The following TDRD1 variants were observed in gnomAD, a reference collection of about 807,000 sequenced individuals.
TDRD1 encodes the protein tudor domain-containing protein 1.
In TDRD1, 37 loss-of-function variants were observed where a neutral mutation model predicts 140.6. That is an observed-to-expected ratio of 0.26 (90% CI 0.20 to 0.35). TDRD1 has a LOEUF of 0.35. TDRD1 is among the 10% of genes least tolerant of loss of function. The probability of loss-of-function intolerance (pLI) is 1.00; values close to 1 mark genes in which losing one functional copy is unlikely to be tolerated. For missense variants in TDRD1, 1,243 were observed against 1,393.0 expected (o/e 0.89, Z 1.71); for synonymous variants, 506 against 475.7 (o/e 1.06, Z -0.83).
intron 11 of TDRD1, among the ~76,000 whole-genome samples, chr10:114,209,195 C>A (rs2035321447): frequency 6.6e-6 from 1 of 152,134 alleles, no homozygotes; most frequent in African/African-American, 2.4e-5. Flanking sequence ...ATAGCCACCA[C>A]ACTCCAGCAT....
chr10:114,181,445 G>A (rs1465403971), intron 1 of TDRD1, among the ~76,000 whole-genome samples: 1 of 152,178 alleles, frequency 6.6e-6, no homozygotes, highest in Admixed American at 6.5e-5. Flanking sequence ...CTGAGGTTGG[G>A]AATCACAGTA....
At chr10:114,206,443 C>A in intron 11 of TDRD1, 113 bp downstream of exon 11, 2 of 705,680 alleles carry the variant, frequency 2.8e-6, no homozygotes, top group Non-Finnish European at 2.4e-6. Context: ...GATAAACATC[C>A]TATGAGCAAT....
rs1026096203 is a variant in TDRD1 at position 114,228,771 on chromosome 10, T to C, written c.3538+646T>C. The C allele has an allele frequency of 9.1e-6, 9 of 985,324 alleles. No individual in the cohort carries two copies. The African/African-American group carries it at 1.6e-4, about 17-fold the overall frequency. The allele number at this position is 985,324 out of a possible 1,614,324, so 61.0% of individuals were successfully genotyped here. On this transcript the variant is annotated intron_variant, in intron 25 of 25. Transcript: ENST00000251864. ...AAGATGGTTCTCAGAAATAAATTTT[T>C]GATTAAGAGCCAATTAGAACTTCTG...
chr10:114,231,369 A>G (rs2036746472), intron 25 of TDRD1: 2 of 847,568 alleles, frequency 2.4e-6, no homozygotes, highest in Non-Finnish European at 3.8e-6. Flanking sequence ...GGTCTGGCTT[A>G]AATGCGTAAT....
intron 4 of TDRD1, 88 bp from the exon 5 acceptor site, chr10:114,201,322 A>G (rs1297821117): frequency 1.9e-6 from 2 of 1,036,714 alleles, no homozygotes; most frequent in Non-Finnish European, 3.0e-6. Context: ...TTCTCTTGCC[A>G]TGGCTAATAG....
exon 4 of TDRD1, chr10:114,199,241 C>T (rs1188166156): frequency 6.2e-7 from 1 of 1,613,964 alleles, no homozygotes; most frequent in Non-Finnish European, 8.5e-7. Context: ...ATTCCTTGTC[C>T]ATAAGTAATC....
intron 1 of TDRD1, among the ~76,000 whole-genome samples, chr10:114,185,116 C>T (rs1472648043): frequency 6.6e-5 from 10 of 152,142 alleles, no homozygotes; most frequent in Non-Finnish European, 1.2e-4. Flanking sequence ...CTCCTTCAGT[C>T]GGGTTTTGTT....
chr10:114,210,918 C>A (rs750290869), exon 13 of TDRD1: 12 of 1,614,044 alleles, frequency 7.4e-6, no homozygotes, highest in African/African-American at 2.7e-5. Context: ...TGCCTCCACG[C>A]TCTGATTTTT....
At chr10:114,198,804 C>T (rs909417067) in intron 3 of TDRD1, among the ~76,000 whole-genome samples, 34 of 152,176 alleles carry the variant, frequency 2.2e-4, no homozygotes, top group African/African-American at 7.7e-4. Context: ...CAGGTGCCCA[C>T]CACGACACCC....
At chr10:114,211,715 CT>C (rs1428225391) in intron 13 of TDRD1, 150 bp from the exon 14 acceptor site, 1 of 710,454 alleles carries the variant, frequency 1.4e-6, no homozygotes, top group African/African-American at 1.9e-5. Context: ...TTGAAGGCTT[CT>C]GATAAGCAAA....
intron 16 of TDRD1, among the ~76,000 whole-genome samples, chr10:114,215,755 G>A (rs1205490956): frequency 2.0e-5 from 3 of 151,934 alleles, no homozygotes; most frequent in African/African-American, 4.8e-5. Context: ...TATTTTTAAA[G>A]GTGATTATAC....
At chr10:114,186,850 A>G (rs546845163) in intron 1 of TDRD1, among the ~76,000 whole-genome samples, 1 of 152,338 alleles carries the variant, frequency 6.6e-6, no homozygotes, top group African/African-American at 2.4e-5. Context: ...CTAATTTAAA[A>G]TAAGAAATGA....
At chr10:114,193,483 G>A (rs182643815) in intron 3 of TDRD1, among the ~76,000 whole-genome samples, 12 of 152,016 alleles carry the variant, frequency 7.9e-5, no homozygotes, top group African/African-American at 1.7e-4. Flanking sequence ...TAGTAGAGAC[G>A]TGGTTTCACC....
exon 23 of TDRD1, chr10:114,227,229 A>G (rs781286820): frequency 1.2e-6 from 2 of 1,614,196 alleles, no homozygotes; most frequent in Non-Finnish European, 8.5e-7. Context: ...CTGTCGATGT[A>G]GCTGATAAGC....
At chr10:114,199,303 G>A (rs756838670) in exon 4 of TDRD1, 2 of 1,607,950 alleles carry the variant, frequency 1.2e-6, no homozygotes, top group Non-Finnish European at 1.7e-6. Flanking sequence ...ACTTGCCATC[G>A]CTGTGGCCTA....
At chr10:114,212,820 G>A (rs535259561) in intron 14 of TDRD1, among the ~76,000 whole-genome samples, 1 of 152,188 alleles carries the variant, frequency 6.6e-6, no homozygotes, top group East Asian at 1.9e-4. Context: ...TTCACTTTAG[G>A]TGTTAACTAT....
chr10:114,212,456 C>T (rs182480005), intron 14 of TDRD1, among the ~76,000 whole-genome samples: 37 of 152,186 alleles, frequency 2.4e-4, no homozygotes, highest in African/African-American at 5.8e-4. Context: ...ACATGCCCAA[C>T]GAAAAAGTAT....
rs55976621 is a variant in TDRD1, at chr10:114,210,521, AT to A, written c.1385-50del. The A allele has an allele frequency of 2.8e-3, 3,805 of 1,343,916 alleles. 1 individual carries two copies. Among genetic ancestry groups the A allele is most frequent in the South Asian group, 7.2e-3 (451 of 62,400 alleles). The allele number at this position is 1,343,916 out of a possible 1,614,324, so 83.2% of individuals were successfully genotyped here. A position where few individuals can be genotyped will look rare whatever the true frequency, so the allele number is the denominator to read the frequency against. ...TTTTAAAATGATTAAAGCGTGCATA[AT>A]TTTTTTTTTACTTTGGATGAAAACA... On this transcript the variant is annotated intron_variant, in intron 11 of 25. Transcript: ENST00000251864.
At chr10:114,228,536 G>T (rs1356559315) in intron 25 of TDRD1, 3 of 991,406 alleles carry the variant, frequency 3.0e-6, no homozygotes, top group African/African-American at 1.7e-5. Flanking sequence ...TTTGCGAGGG[G>T]TATCTAAAGG....
Sources: allele counts gnomAD v4.1 joint callset (sites outside exome capture counted in the v4.1 genomes callset), GRCh38; gene constraint gnomAD v4.1.1; transcripts MANE v1.5; gene names NCBI Gene and HGNC (gene_info 2026-07-23, HGNC 2026-07-21).